PPP2R2C: variants seen among roughly 807,000 people sequenced by gnomAD.
PPP2R2C encodes protein phosphatase 2 regulatory subunit Bgamma, also known as protein phosphatase 2, regulatory subunit B, gamma.
In PPP2R2C, 10 loss-of-function variants were observed where a neutral mutation model predicts 45.3. The observed-to-expected ratio is 0.22, with a 90% CI of 0.14 to 0.37. The LOEUF is 0.37. Ranked by LOEUF, PPP2R2C falls within the 10% of genes least tolerant of loss-of-function variation. The pLI is 1.00. For synonymous variants in PPP2R2C, 257 were observed against 245.4 expected (o/e 1.05, Z -0.44); for missense variants, 308 against 619.7 (o/e 0.50, Z 5.34).
intron 1 of PPP2R2C, among the ~76,000 whole-genome samples, chr4:6,455,831 C>A (rs1222269960): frequency 6.6e-6 from 1 of 152,180 alleles, no homozygotes; most frequent in African/African-American, 2.4e-5. Context: ...AATGTCGCCC[C>A]CTCCCCCTGC....
intron 5 of PPP2R2C, among the ~76,000 whole-genome samples, chr4:6,357,688 G>C (rs563018181): frequency 1.9e-4 from 29 of 152,274 alleles, no homozygotes; most frequent in Admixed American, 1.2e-3. Context: ...GGCCTATCCC[G>C]GTCCCCCATC....
chr4:6,533,871 C>T (rs1724489068), intron 2 of PPP2R2C, among the ~76,000 whole-genome samples: 1 of 152,032 alleles, frequency 6.6e-6, no homozygotes, highest in Non-Finnish European at 1.5e-5. Flanking sequence ...GTGAACACGC[C>T]CCCAATACAC....
intron 5 of PPP2R2C, 114 bp downstream of exon 5, chr4:6,372,409 G>T (rs1257835487): frequency 1.7e-6 from 2 of 1,170,494 alleles, no homozygotes; most frequent in African/African-American, 1.5e-5. Flanking sequence ...CACTGAAGAA[G>T]TTAAACAATG....
At chr4:6,502,160 T>C (rs1197372972) in intron 2 of PPP2R2C, among the ~76,000 whole-genome samples, 1 of 152,172 alleles carries the variant, frequency 6.6e-6, no homozygotes, top group African/African-American at 2.4e-5. Flanking sequence ...AGAATAAGCA[T>C]ATCTGTGATC....
At chr4:6,346,654 G>A (rs1711973495) in intron 6 of PPP2R2C, among the ~76,000 whole-genome samples, 1 of 152,234 alleles carries the variant, frequency 6.6e-6, no homozygotes, top group Non-Finnish European at 1.5e-5. Context: ...AGGAGATGAG[G>A]GGGTGGATGT....
chr4:6,448,852 G>T (rs771399853), intron 1 of PPP2R2C, among the ~76,000 whole-genome samples: 1 of 152,182 alleles, frequency 6.6e-6, no homozygotes, highest in Non-Finnish European at 1.5e-5. Flanking sequence ...CTGCACGAAG[G>T]CTCACGGAGG....
intron 1 of PPP2R2C, among the ~76,000 whole-genome samples, chr4:6,464,619 T>C (rs995035563): frequency 1.3e-5 from 2 of 152,218 alleles, no homozygotes; most frequent in African/African-American, 4.8e-5. Flanking sequence ...ATCTTTGATA[T>C]TTGCAAAGGT....
intron 1 of PPP2R2C, among the ~76,000 whole-genome samples, chr4:6,416,684 G>A (rs956503647): frequency 4.6e-5 from 7 of 152,190 alleles, no homozygotes; most frequent in Non-Finnish European, 8.8e-5. Flanking sequence ...CTGCCAACAC[G>A]CCCTCCAGCC....
chr4:6,384,882 G>C (rs1166747322), intron 1 of PPP2R2C: 1 of 977,684 alleles, frequency 1.0e-6, no homozygotes, highest in African/African-American at 1.8e-5. Context: ...TGGAGTCTTG[G>C]CTCCAGTGCT....
At position 6,328,536 on chromosome 4, in the gene PPP2R2C, G is replaced by A. The variant is rs1732138599; in HGVS notation, c.1052+726C>T. ...GAGGGATTTTCCCACCTCCAGAATG[G>A]AGGAAGAATCCCAGAGAAGAGACAC... On this transcript the variant is annotated intron_variant, in intron 8 of 8. Coordinates refer to ENST00000382599, the MANE Select transcript of PPP2R2C (RefSeq NM_020416.4). This position sits in a 1 kb window ranked among gnomAD's most constrained non-coding sequence, Gnocchi z 4.4. 6.6e-6 allele frequency among the ~76,000 whole-genome samples: 1 copy of A among 152,218 alleles called. No homozygotes were observed. Among genetic ancestry groups the A allele is most frequent in the Non-Finnish European group, 1.5e-5 (1 of 68,042 alleles).
chr4:6,399,133 T>C (rs5019274), intron 1 of PPP2R2C, among the ~76,000 whole-genome samples: 44,154 of 152,102 alleles, frequency 0.29, 8,291 homozygotes, highest in African/African-American at 0.5. Context: ...AAACGTTTTG[T>C]GGGTGAAGGC....
chr4:6,527,249 T>G (rs1724236381), intron 2 of PPP2R2C, among the ~76,000 whole-genome samples: 1 of 152,236 alleles, frequency 6.6e-6, no homozygotes, highest in African/African-American at 2.4e-5. Flanking sequence ...AGCGGGGATC[T>G]GTCCCCTCTC....
At chr4:6,384,179 C>G in intron 1 of PPP2R2C, 7 of 985,374 alleles carry the variant, frequency 7.1e-6, no homozygotes, top group Non-Finnish European at 8.4e-6. Flanking sequence ...TGGGCAGAAG[C>G]CAGAACCACC....
intron 2 of PPP2R2C, among the ~76,000 whole-genome samples, chr4:6,512,275 G>A (rs1385012645): frequency 9.8e-6 from 1 of 102,008 alleles, no homozygotes; most frequent in Non-Finnish European, 2.1e-5. Context: ...GGTGATGGTG[G>A]GGGTGGTGGT....
At chr4:6,347,822 C>G in intron 6 of PPP2R2C, 24 bp downstream of exon 6, 2 of 1,586,730 alleles carry the variant, frequency 1.3e-6, no homozygotes, top group Non-Finnish European at 1.7e-6. Context: ...GCACAGCCCC[C>G]CACCCCCAGG....
At chr4:6,431,996 C>A (rs765458066) in intron 1 of PPP2R2C, among the ~76,000 whole-genome samples, 10 of 152,184 alleles carry the variant, frequency 6.6e-5, no homozygotes, top group Non-Finnish European at 1.3e-4. Context: ...CTTTATAAAG[C>A]CACTGATCCC....
chr4:6,482,867 C>G (rs1722402971), intron 2 of PPP2R2C, among the ~76,000 whole-genome samples: 1 of 152,106 alleles, frequency 6.6e-6, no homozygotes, highest in Non-Finnish European at 1.5e-5. Flanking sequence ...GATGCCCTTT[C>G]TCGGGTTGAG....
chr4:6,383,786 G>A (rs191256810), intron 1 of PPP2R2C: 19 of 1,014,008 alleles, frequency 1.9e-5, no homozygotes, highest in East Asian at 2.1e-4. Flanking sequence ...CTTAATTCAC[G>A]GCTTCAAATG....
intron 6 of PPP2R2C, among the ~76,000 whole-genome samples, chr4:6,346,096 G>A (rs1236695005): frequency 2.0e-5 from 3 of 152,106 alleles, no homozygotes; most frequent in African/African-American, 7.2e-5. Flanking sequence ...ACATCCAGAG[G>A]GGGCAGCCAG....
Sources: gnomAD v4.1 joint callset for allele counts (sites outside exome capture counted in the v4.1 genomes callset) on GRCh38, gnomAD v4.1.1 for gene constraint, Gnocchi (gnomAD v3.1) non-coding constraint, MANE v1.5 for transcripts, NCBI Gene and HGNC (gene_info 2026-07-23, HGNC 2026-07-21) for gene names.